The following L3MBTL4 variants were observed in gnomAD, a reference collection of about 807,000 sequenced individuals.
L3MBTL4 encodes lethal(3)malignant brain tumor-like protein 4.
A neutral mutation model predicts 84.5 loss-of-function variants in L3MBTL4; 70 were observed. That is an observed-to-expected ratio of 0.83 (90% CI 0.68 to 1.01). L3MBTL4 has a LOEUF of 1.01. Ranked by LOEUF, L3MBTL4 falls within the 50% of genes least tolerant of loss-of-function variation. The pLI, the probability that L3MBTL4 is intolerant of heterozygous loss-of-function variation, is 0.00. For synonymous variants in L3MBTL4, 274 were observed against 259.8 expected (o/e 1.05, Z -0.52); for missense variants, 715 against 754.8 (o/e 0.95, Z 0.62).
At chr18:6,094,284 G>A (rs773947450) in intron 14 of L3MBTL4, among the ~76,000 whole-genome samples, 6 of 152,142 alleles carry the variant, frequency 3.9e-5, no homozygotes, top group African/African-American at 7.2e-5. Flanking sequence ...AAACTCTGCC[G>A]CTGCTAGAAA....
intron 4 of L3MBTL4, among the ~76,000 whole-genome samples, chr18:6,292,651 A>G (rs1181473148): frequency 3.9e-5 from 6 of 152,222 alleles, no homozygotes; most frequent in African/African-American, 1.4e-4. Flanking sequence ...CAATACTTTC[A>G]GAAACAGGTT....
chr18:6,296,277 T>C (rs1326058065), intron 4 of L3MBTL4, among the ~76,000 whole-genome samples: 1 of 152,222 alleles, frequency 6.6e-6, no homozygotes, highest in African/African-American at 2.4e-5. Flanking sequence ...TTTTAGAATC[T>C]GTGCTTCTTC....
Position 6,215,755 on chromosome 18 carries a change from T to C in L3MBTL4, c.865A>G (p.Lys289Glu). 1 of 1,599,070 alleles carries C rather than the reference T, an allele frequency of 6.3e-7. No homozygotes were observed. The highest frequency in any genetic ancestry group is 8.5e-7 in the Non-Finnish European group (1 of 1,172,484). Residue 289 changes from lysine to glutamate, a missense_variant, in exon 11 of 19, where the codon AAA (lysine) becomes GAA (glutamate). Coordinates refer to ENST00000317931, the MANE Select transcript of L3MBTL4 (RefSeq NM_001330559.2). ...TGTACCCACATAGAACTTACCATTT[T>C]AAAAACTTTGGCAGGAACTGCATTG... ...QTNAVPAKVF[K>E]MRLPHGFLPN...
intron 12 of L3MBTL4, among the ~76,000 whole-genome samples, chr18:6,179,925 A>G (rs1179170517): frequency 4.6e-5 from 7 of 152,340 alleles, no homozygotes; most frequent in Middle Eastern, 3.4e-3. Context: ...GGCATGAGGC[A>G]CTGAGTGCGG....
At chr18:6,359,782 CTT>C (rs2053601369) in intron 1 of L3MBTL4, among the ~76,000 whole-genome samples, 1 of 151,902 alleles carries the variant, frequency 6.6e-6, no homozygotes, top group African/African-American at 2.4e-5. Context: ...GCTTTACAGA[CTT>C]ATGTTTTCAA....
chr18:6,315,999 C>T (rs1322670717), intron 1 of L3MBTL4, among the ~76,000 whole-genome samples: 2 of 151,838 alleles, frequency 1.3e-5, no homozygotes, highest in Non-Finnish European at 2.9e-5. Context: ...CAGAGGTTGT[C>T]TGCAGCTCAG....
At chr18:6,017,339 C>T (rs2073097125) in intron 16 of L3MBTL4, among the ~76,000 whole-genome samples, 1 of 152,046 alleles carries the variant, frequency 6.6e-6, no homozygotes. Context: ...GCTGGCGCGC[C>T]ACAGCCGCCC....
chr18:6,127,292 T>C (rs1015327060), intron 14 of L3MBTL4, among the ~76,000 whole-genome samples: 3 of 152,220 alleles, frequency 2.0e-5, no homozygotes, highest in Admixed American at 1.3e-4. Flanking sequence ...TTATAAATTA[T>C]GAATTTTTTT....
At chr18:6,122,181 T>A (rs1464006246) in intron 14 of L3MBTL4, among the ~76,000 whole-genome samples, 1 of 150,260 alleles carries the variant, frequency 6.7e-6, no homozygotes, top group Non-Finnish European at 1.5e-5. Context: ...TGTTAGTGGT[T>A]AAATTATACA....
intron 14 of L3MBTL4, among the ~76,000 whole-genome samples, chr18:6,097,776 C>G (rs1376080753): frequency 6.6e-6 from 1 of 152,148 alleles, no homozygotes; most frequent in Non-Finnish European, 1.5e-5. Flanking sequence ...AATGTCTTGC[C>G]CTCTGCTTTG....
intron 4 of L3MBTL4, among the ~76,000 whole-genome samples, chr18:6,268,740 TAAAC>T (rs1435581985): frequency 1.3e-5 from 2 of 152,174 alleles, no homozygotes; most frequent in Admixed American, 6.5e-5. Flanking sequence ...CATTATATAA[TAAAC>T]AAAATATATT....
intron 11 of L3MBTL4, among the ~76,000 whole-genome samples, chr18:6,215,097 A>G (rs566261898): frequency 6.6e-6 from 1 of 152,314 alleles, no homozygotes; most frequent in African/African-American, 2.4e-5. Flanking sequence ...GCAGAAGCCC[A>G]ATATATAAAA....
intron 16 of L3MBTL4, among the ~76,000 whole-genome samples, chr18:6,017,013 G>C (rs1163269101): frequency 1.1e-5 from 1 of 94,122 alleles, no homozygotes; most frequent in African/African-American, 5.8e-5. Context: ...CAGAGCAGAG[G>C]GGGTGGTAAA....
intron 1 of L3MBTL4, among the ~76,000 whole-genome samples, chr18:6,342,946 A>C (rs2052681654): frequency 6.6e-6 from 1 of 152,184 alleles, no homozygotes; most frequent in Non-Finnish European, 1.5e-5. Context: ...TACTTATATC[A>C]GAAAAAAAAC....
intron 13 of L3MBTL4, among the ~76,000 whole-genome samples, chr18:6,162,005 CCTTT>C (rs2043363335): frequency 6.6e-6 from 1 of 150,886 alleles, no homozygotes; most frequent in South Asian, 2.1e-4. Context: ...CATTTTTCTT[CCTTT>C]GTTTCCAAGG....
chr18:6,070,431 T>C (rs1450193875), intron 16 of L3MBTL4, among the ~76,000 whole-genome samples: 1 of 150,886 alleles, frequency 6.6e-6, no homozygotes, highest in Non-Finnish European at 1.5e-5. Flanking sequence ...TAACTGCCAA[T>C]CTAGAATTCT....
chr18:6,319,864 C>T (rs2051311232), intron 1 of L3MBTL4, among the ~76,000 whole-genome samples: 1 of 151,986 alleles, frequency 6.6e-6, no homozygotes, highest in African/African-American at 2.4e-5. Flanking sequence ...AAATCAATAT[C>T]CCTGATGAAC....
At chr18:6,318,908 C>G (rs76068769) in intron 1 of L3MBTL4, among the ~76,000 whole-genome samples, 11,643 of 152,018 alleles carry the variant, frequency 0.077, 1,380 homozygotes, top group African/African-American at 0.26. Context: ...TACATTTTAA[C>G]ATATCAAAAT....
At chr18:6,225,758 T>C (rs1454102301) in intron 10 of L3MBTL4, among the ~76,000 whole-genome samples, 1 of 144,724 alleles carries the variant, frequency 6.9e-6, no homozygotes, top group Non-Finnish European at 1.5e-5. Context: ...AAAAAAAAAT[T>C]AAGGGGAACA....
Sources: allele counts gnomAD v4.1 joint callset (sites outside exome capture counted in the v4.1 genomes callset), GRCh38; gene constraint gnomAD v4.1.1; transcripts MANE v1.5; gene names NCBI Gene and HGNC (gene_info 2026-07-23, HGNC 2026-07-21).